Variants in MYLK observed in about 807,000 individuals in gnomAD.
The protein encoded by MYLK is myosin light chain kinase, also known as myosin light chain kinase, smooth muscle.
MYLK carries 106 observed loss-of-function variants against 203.4 expected under a neutral mutation model. The ratio of observed to expected loss-of-function variants is 0.52; its 90% CI spans 0.45 to 0.61. MYLK has a LOEUF of 0.61. Ranked by LOEUF, MYLK falls within the 20% of genes least tolerant of loss-of-function variation. The pLI, the probability that MYLK is intolerant of heterozygous loss-of-function variation, is 0.00. For missense variants in MYLK, 2,072 were observed against 2,442.3 expected (o/e 0.85, Z 3.20); for synonymous variants, 867 against 959.5 (o/e 0.90, Z 1.78).
At chr3:123,828,634 A>G (rs2066218720) in intron 3 of MYLK, among the ~76,000 whole-genome samples, 1 of 152,196 alleles carries the variant, frequency 6.6e-6, no homozygotes, top group South Asian at 2.1e-4. Context: ...ATGTTTCTGC[A>G]TAGCAAGGGA....
intron 3 of MYLK, among the ~76,000 whole-genome samples, chr3:123,825,256 T>C (rs934157104): frequency 6.6e-6 from 1 of 151,982 alleles, no homozygotes; most frequent in Non-Finnish European, 1.5e-5. Flanking sequence ...TTTTGAAACA[T>C]CTATTAAGAA....
intron 18 of MYLK, among the ~76,000 whole-genome samples, chr3:123,696,305 G>A (rs990214875): frequency 6.6e-6 from 1 of 152,148 alleles, no homozygotes; most frequent in African/African-American, 2.4e-5. Flanking sequence ...GGCCAAAGGT[G>A]GGTGACAACA....
chr3:123,835,530 AG>A (rs1341456789), intron 2 of MYLK, among the ~76,000 whole-genome samples: 1 of 152,224 alleles, frequency 6.6e-6, no homozygotes, highest in Non-Finnish European at 1.5e-5. Flanking sequence ...TAACCATCCT[AG>A]GAAGATTTTG....
At chr3:123,764,408 C>T (rs2063636612) in intron 4 of MYLK, among the ~76,000 whole-genome samples, 1 of 152,132 alleles carries the variant, frequency 6.6e-6, no homozygotes, top group African/African-American at 2.4e-5. Context: ...AGATCTTCTC[C>T]CTTGAGATAA....
At position 123,846,787 on chromosome 3, in the gene MYLK, T is replaced by C. The variant is rs569909255; in HGVS notation, c.-126-15117A>G. ...TTTTCTCCATTTATTAAGGATCTCT[T>C]TTTTTTTTCCTTTCAACAACTGTAA... On this transcript the variant is annotated intron_variant, in intron 2 of 33. Coordinates refer to ENST00000360304, the MANE Select transcript of MYLK (RefSeq NM_053025.4). 2.6e-5 allele frequency among the ~76,000 whole-genome samples: 4 copies of C among 151,474 alleles called. No individual in the cohort carries two copies. The South Asian group carries it at 6.3e-4, about 24-fold the overall frequency.
In MYLK at chr3:123,610,744, C is replaced by T. The variant is rs1466585442; in HGVS notation, c.*3361G>A. 3 of 152,182 alleles carry T rather than the reference C, an allele frequency of 2.0e-5. No homozygotes were observed. Among genetic ancestry groups the T allele is most frequent in the African/African-American group, 7.2e-5 (3 of 41,436 alleles). The allele number at this position is 152,182 out of a possible 1,614,324, so 9.4% of individuals were successfully genotyped here. A position where few individuals can be genotyped will look rare whatever the true frequency, so the allele number is the denominator to read the frequency against. On this transcript the variant is annotated 3_prime_UTR_variant, in exon 34 of 34. Transcript: ENST00000360304. ...AAATGGAGAATTGGGTTTCTCACAA[C>T]TCAATTATTTATTACCTCCTATGTA...
chr3:123,673,626 C>G (rs1444224727), intron 20 of MYLK, among the ~76,000 whole-genome samples: 1 of 152,170 alleles, frequency 6.6e-6, no homozygotes, highest in Non-Finnish European at 1.5e-5. Flanking sequence ...AGGGGACATT[C>G]TGCAGGTCCA....
intron 3 of MYLK, among the ~76,000 whole-genome samples, chr3:123,827,694 CATATATATATAT>C (rs3052386): frequency 0.014 from 328 of 24,262 alleles, 2 homozygotes; most frequent in Middle Eastern, 0.042. Context: ...TGAAAAACAC[CATATATATATAT>C]ATATATATAT....
At chr3:123,881,606 G>A (rs1247588421) in intron 1 of MYLK, among the ~76,000 whole-genome samples, 1 of 151,974 alleles carries the variant, frequency 6.6e-6, no homozygotes, top group Non-Finnish European at 1.5e-5. Context: ...ATGGGACACT[G>A]TACCCATGTC....
intron 27 of MYLK, among the ~76,000 whole-genome samples, chr3:123,641,446 T>G (rs985592286): frequency 1.3e-5 from 2 of 152,138 alleles, no homozygotes; most frequent in East Asian, 1.9e-4. Flanking sequence ...TTCAATTTTT[T>G]TTTTTTGGTA....
chr3:123,689,548 G>T (rs2060583506), intron 19 of MYLK: 1 of 152,268 alleles, frequency 6.6e-6, no homozygotes, highest in South Asian at 2.1e-4. Context: ...CCCAACACCA[G>T]ATCTACACCT....
At chr3:123,681,770 CAT>C (rs1487782735) in intron 20 of MYLK, 15 of 239,912 alleles carry the variant, frequency 6.3e-5, no homozygotes, top group South Asian at 3.0e-4. Flanking sequence ...TCGGCACTAA[CAT>C]GTGGAGCTTT....
In MYLK at chr3:123,707,910, G is replaced by A. The variant is rs572885459; in HGVS notation, c.2234C>T (p.Ala745Val). ...GQSVLISCAI[A>V]GDPFPTVHWL... ...GTGCACGGTAGGAAAGGGGTCACCA[G>A]CTATGGCGCAGGAGATGAGGACACT... Residue 745 changes from alanine to valine, a missense_variant, in exon 16 of 34, where the codon GCT becomes GTT. By Grantham distance (64) the Ala-to-Val change is moderately conservative (BLOSUM62 0). This residue lies in a region of MYLK where 865 missense variants were observed against 1,016.0 expected (regional missense o/e 0.85). Coordinates refer to ENST00000360304, the MANE Select transcript of MYLK (RefSeq NM_053025.4). 1.9e-6 allele frequency: 3 copies of A among 1,614,250 alleles called. No individual in the cohort carries two copies. Among genetic ancestry groups the A allele is most frequent in the Non-Finnish European group, 1.7e-6 (2 of 1,180,056 alleles).
intron 19 of MYLK, among the ~76,000 whole-genome samples, chr3:123,682,872 C>A (rs888635998): frequency 6.6e-6 from 1 of 152,176 alleles, no homozygotes; most frequent in Admixed American, 6.5e-5. Flanking sequence ...GGGGTCTAGG[C>A]CCCACTGTGG....
intron 2 of MYLK, among the ~76,000 whole-genome samples, chr3:123,850,282 T>C (rs999238324): frequency 1.3e-5 from 2 of 152,154 alleles, no homozygotes; most frequent in Non-Finnish European, 2.9e-5. Context: ...CTGGGTGAAA[T>C]AGTATTTCTA....
chr3:123,657,065 C>G, intron 24 of MYLK, 61 bp downstream of exon 24: 1 of 1,577,910 alleles, frequency 6.3e-7, no homozygotes, highest in Non-Finnish European at 8.7e-7. Flanking sequence ...ACAGTCTTTA[C>G]ATACACAAGG....
At chr3:123,793,597 G>T in intron 4 of MYLK, 80 bp downstream of exon 4, 2 of 1,524,272 alleles carry the variant, frequency 1.3e-6, no homozygotes, top group South Asian at 1.2e-5. Flanking sequence ...GATCCAGCCG[G>T]CCCAGGAAAA....
intron 2 of MYLK, among the ~76,000 whole-genome samples, chr3:123,858,304 G>A (rs2031592141): frequency 6.6e-6 from 1 of 152,158 alleles, no homozygotes; most frequent in African/African-American, 2.4e-5. Flanking sequence ...AATAGGACTA[G>A]GTTCTCCAGA....
intron 16 of MYLK, among the ~76,000 whole-genome samples, chr3:123,703,607 C>T (rs1335503961): frequency 3.3e-5 from 5 of 152,302 alleles, no homozygotes; most frequent in East Asian, 3.9e-4. Context: ...CCTGGGAGAA[C>T]GAAGAGGTCC....
Sources: allele counts gnomAD v4.1 joint callset (sites outside exome capture counted in the v4.1 genomes callset), GRCh38; gene constraint gnomAD v4.1.1; regional missense constraint gnomAD v4.1.1; transcripts MANE v1.5; gene names NCBI Gene and HGNC (gene_info 2026-07-23, HGNC 2026-07-21).